Variants in SPMIP6 observed in about 807,000 individuals in gnomAD.
SPMIP6 encodes sperm microtubule inner protein 6, also known as ciliated bronchial epithelial protein 1.
At chr9:34,387,634 C>G in the SPMIP6 span, among the ~76,000 whole-genome samples, 1 of 152,262 alleles carries the variant, frequency 6.6e-6, no homozygotes, top group African/African-American at 2.4e-5. Flanking sequence ...CACACACAAA[C>G]AAAACAGTCA....
chr9:34,386,168 G>C, the SPMIP6 span, among the ~76,000 whole-genome samples: 9 of 152,270 alleles, frequency 5.9e-5, no homozygotes, highest in East Asian at 1.4e-3. Context: ...CAGTGCATCA[G>C]GCCCCAGTCT....
At chr9:34,394,878 A>C in the SPMIP6 span, among the ~76,000 whole-genome samples, 1 of 152,162 alleles carries the variant, frequency 6.6e-6, no homozygotes, top group South Asian at 2.1e-4. Flanking sequence ...ATTAATTTTT[A>C]TTCAGAACTT....
chr9:34,393,653 T>C, the SPMIP6 span, among the ~76,000 whole-genome samples: 1 of 152,170 alleles, frequency 6.6e-6, no homozygotes, highest in Non-Finnish European at 1.5e-5. Flanking sequence ...AGCCTTTTTC[T>C]TTTTAAATAA....
At chr9:34,388,170 C>A in the SPMIP6 span, among the ~76,000 whole-genome samples, 1 of 148,194 alleles carries the variant, frequency 6.7e-6, no homozygotes, top group Non-Finnish European at 1.5e-5. Context: ...GATGGAGTTT[C>A]GCTCTTCTCA....
the SPMIP6 span, chr9:34,397,444 CA>C: frequency 6.4e-7 from 1 of 1,566,544 alleles, no homozygotes; most frequent in Non-Finnish European, 8.8e-7. Flanking sequence ...CATTGCCAGG[CA>C]TCCAGACTGG....
the SPMIP6 span, chr9:34,379,049 G>GC: frequency 3.0e-6 from 4 of 1,333,592 alleles, no homozygotes; most frequent in Admixed American, 6.7e-5. The surrounding 1 kb of genome is among the most constrained non-coding windows in gnomAD (Gnocchi z 4.2). Flanking sequence ...TTATTGCTCT[G>GC]CCCCCTTGGC....
the SPMIP6 span, chr9:34,380,701 G>A: frequency 3.2e-6 from 5 of 1,548,062 alleles, no homozygotes; most frequent in Non-Finnish European, 4.4e-6. Context: ...CCTTCGTGCT[G>A]GTTCTCCCGC....
chr9:34,386,000 G>T, the SPMIP6 span, among the ~76,000 whole-genome samples: 1 of 152,220 alleles, frequency 6.6e-6, no homozygotes, highest in African/African-American at 2.4e-5. Context: ...CAAGGCTAGG[G>T]CTTGGGGCCG....
At chr9:34,397,568 G>A in the SPMIP6 span, 1 of 1,613,658 alleles carries the variant, frequency 6.2e-7, no homozygotes, top group African/African-American at 1.3e-5. Flanking sequence ...TGATGGAGGT[G>A]GGAGCCCTGT....
the SPMIP6 span, among the ~76,000 whole-genome samples, chr9:34,391,301 T>G: frequency 2.6e-5 from 4 of 152,202 alleles, no homozygotes; most frequent in African/African-American, 9.7e-5. Context: ...TGCCTTGTTT[T>G]TCTTAATTCT....
chr9:34,380,645 C>T, the SPMIP6 span: 1 of 1,528,052 alleles, frequency 6.5e-7, no homozygotes, highest in Non-Finnish European at 8.8e-7. Flanking sequence ...GCCAGGTTGA[C>T]CTTGAGCCCA....
At chr9:34,396,152 T>C in the SPMIP6 span, among the ~76,000 whole-genome samples, 2 of 152,126 alleles carry the variant, frequency 1.3e-5, no homozygotes, top group African/African-American at 4.8e-5. Context: ...ATAAATTTTA[T>C]TTATTTTTAT....
At chr9:34,380,806 A>G in the SPMIP6 span, 2 of 1,527,034 alleles carry the variant, frequency 1.3e-6, no homozygotes, top group East Asian at 2.5e-5. Context: ...GGGGGCCTGC[A>G]CGGAAGCTGG....
chr9:34,385,771 T>C, the SPMIP6 span: 1 of 1,613,292 alleles, frequency 6.2e-7, no homozygotes, highest in Non-Finnish European at 8.5e-7. Flanking sequence ...CTCCATGGTA[T>C]GAGTCAGACC....
At chr9:34,380,985 A>G in the SPMIP6 span, 1 of 1,609,614 alleles carries the variant, frequency 6.2e-7, no homozygotes, top group South Asian at 1.1e-5. Flanking sequence ...CCGCGCAGAC[A>G]GTAGTGGCGG....
At chr9:34,379,809 G>T in the SPMIP6 span, 1 of 1,198,466 alleles carries the variant, frequency 8.3e-7, no homozygotes, top group Non-Finnish European at 1.2e-6. The surrounding 1 kb of genome is among the most constrained non-coding windows in gnomAD (Gnocchi z 4.2). Context: ...CCAAGCCCCT[G>T]GGCGGCGCTT....
chr9:34,382,899 G>A, the SPMIP6 span: 1 of 1,366,666 alleles, frequency 7.3e-7, no homozygotes, highest in Non-Finnish European at 1.0e-6. Context: ...ATGTCAAATA[G>A]TGTTACTTCT....
the SPMIP6 span, chr9:34,397,689 C>T: frequency 1.3e-6 from 2 of 1,521,000 alleles, no homozygotes; most frequent in African/African-American, 2.8e-5. Context: ...TCCTGCTGGA[C>T]ATCAGTGACC....
the SPMIP6 span, among the ~76,000 whole-genome samples, chr9:34,382,263 AC>A: frequency 6.6e-6 from 1 of 152,188 alleles, no homozygotes; most frequent in Non-Finnish European, 1.5e-5. Flanking sequence ...GCACAGCCCT[AC>A]TTTTGGGTTC....
Sources: allele counts gnomAD v4.1 joint callset (sites outside exome capture counted in the v4.1 genomes callset), GRCh38; gene constraint gnomAD v4.1.1; non-coding constraint Gnocchi (gnomAD v3.1); transcripts MANE v1.5; gene names NCBI Gene and HGNC (gene_info 2026-07-23, HGNC 2026-07-21).